Variants in RTP2 observed in about 807,000 individuals in gnomAD.
RTP2 encodes receptor-transporting protein 2.
Under a neutral mutation model 17.9 loss-of-function variants are expected in RTP2, and 12 were observed. The observed-to-expected ratio is 0.67, with a 90% confidence interval of 0.43 to 1.09. RTP2 has a LOEUF of 1.09. Ranked by LOEUF, RTP2 falls within the 50% of genes least tolerant of loss-of-function variation. The pLI, the probability that RTP2 is intolerant of heterozygous loss-of-function variation, is 0.00. For missense variants in RTP2, 327 were observed against 295.7 expected, an observed-to-expected ratio of 1.11 and a Z score of -0.78; for synonymous variants, 126 against 117.7, an observed-to-expected ratio of 1.07 and a Z score of -0.46.
chr3:187,699,802 C>G (rs943739803), intron 1 of RTP2, among the ~76,000 whole-genome samples: 1 of 151,114 alleles, frequency 6.6e-6, no homozygotes, highest in African/African-American at 2.4e-5. Flanking sequence ...CTCTCTCTCT[C>G]TTACATGCAC....
upstream of RTP2, among the ~76,000 whole-genome samples, chr3:187,702,880 A>G (rs183100931): frequency 6.6e-6 from 1 of 152,360 alleles, no homozygotes; most frequent in East Asian, 1.9e-4. Context: ...GTAATTTCAT[A>G]TGCCATGCAA....
upstream of RTP2, among the ~76,000 whole-genome samples, chr3:187,704,802 C>G (rs971265409): frequency 2.0e-5 from 3 of 152,170 alleles, no homozygotes; most frequent in Non-Finnish European, 2.9e-5. Flanking sequence ...TCCAAGCTCC[C>G]ACTCTTTGGG....
chr3:187,713,696 G>C, the RTP2 span, among the ~76,000 whole-genome samples: 2 of 152,096 alleles, frequency 1.3e-5, no homozygotes, highest in African/African-American at 4.8e-5. Flanking sequence ...GTGAAGACTA[G>C]GCCTACAATC....
the RTP2 span, among the ~76,000 whole-genome samples, chr3:187,709,774 A>G: frequency 6.6e-6 from 1 of 152,206 alleles, no homozygotes; most frequent in Non-Finnish European, 1.5e-5. Context: ...AAAAATGTTA[A>G]CATGATGTGA....
upstream of RTP2, among the ~76,000 whole-genome samples, chr3:187,707,340 C>T (rs369508650): frequency 1.6e-4 from 25 of 152,256 alleles, no homozygotes; most frequent in South Asian, 1.0e-3. Flanking sequence ...AGATGCAAGT[C>T]GGGAGATACC....
At chr3:187,703,281 A>G (rs901829701), upstream of RTP2, among the ~76,000 whole-genome samples, 1 of 152,210 alleles carries the variant, frequency 6.6e-6, no homozygotes, top group African/African-American at 2.4e-5. Context: ...CAGAGTTCCA[A>G]CAGTAAAGAG....
exon 1 of RTP2, chr3:187,702,148 G>T: frequency 6.3e-7 from 1 of 1,583,308 alleles, no homozygotes; most frequent in Non-Finnish European, 8.6e-7. Flanking sequence ...GGCAGAGGTG[G>T]CAGTTCGAGC....
intron 1 of RTP2, among the ~76,000 whole-genome samples, chr3:187,700,005 C>G: frequency 6.6e-6 from 1 of 152,212 alleles, no homozygotes. Flanking sequence ...TTCCAGGCCT[C>G]TGTTATAGAG....
the RTP2 span, among the ~76,000 whole-genome samples, chr3:187,707,605 A>G: frequency 6.6e-6 from 1 of 152,188 alleles, no homozygotes; most frequent in African/African-American, 2.4e-5. Flanking sequence ...GAGTGATGGA[A>G]GTTGAGGCCT....
chr3:187,709,116 T>G, the RTP2 span, among the ~76,000 whole-genome samples: 1 of 152,218 alleles, frequency 6.6e-6, no homozygotes, highest in Non-Finnish European at 1.5e-5. Flanking sequence ...TCCCTGCCCT[T>G]CATTTTTTCC....
chr3:187,705,213 G>C (rs1422162350), upstream of RTP2, among the ~76,000 whole-genome samples: 1 of 152,140 alleles, frequency 6.6e-6, no homozygotes, highest in East Asian at 1.9e-4. Context: ...GAAGAATATA[G>C]AGGGTCTGGG....
exon 2 of RTP2, chr3:187,698,484 C>G: frequency 6.3e-7 from 1 of 1,591,156 alleles, no homozygotes; most frequent in Non-Finnish European, 8.6e-7. Context: ...CTCTCCCACC[C>G]TTAACCAGCT....
exon 2 of RTP2, chr3:187,698,429 G>T: frequency 7.3e-7 from 1 of 1,373,954 alleles, no homozygotes; most frequent in Non-Finnish European, 9.9e-7. Context: ...TCTGTAGCAG[G>T]ATCAAGTCCA....
chr3:187,705,067 T>A (rs975359234), upstream of RTP2, among the ~76,000 whole-genome samples: 1 of 152,190 alleles, frequency 6.6e-6, no homozygotes, highest in Non-Finnish European at 1.5e-5. Flanking sequence ...CTTATCCTTT[T>A]TTCCGGGTCT....
chr3:187,703,173 A>C (rs972466006), upstream of RTP2, among the ~76,000 whole-genome samples: 2 of 152,266 alleles, frequency 1.3e-5, no homozygotes, highest in African/African-American at 4.8e-5. Flanking sequence ...GAGCATGGAA[A>C]AGACCAGGCA....
the RTP2 span, among the ~76,000 whole-genome samples, chr3:187,710,021 G>A: frequency 6.6e-6 from 1 of 152,180 alleles, no homozygotes; most frequent in East Asian, 1.9e-4. Context: ...TTTTGGAAGA[G>A]ATCAGCTATT....
intron 1 of RTP2, among the ~76,000 whole-genome samples, chr3:187,701,598 C>A (rs1402362418): frequency 1.3e-5 from 2 of 152,124 alleles, no homozygotes; most frequent in African/African-American, 4.8e-5. Context: ...AGCTGTACCC[C>A]CTGCATTCCC....
chr3:187,702,749 C>T (rs1560137454), upstream of RTP2, among the ~76,000 whole-genome samples: 1 of 152,198 alleles, frequency 6.6e-6, no homozygotes, highest in Non-Finnish European at 1.5e-5. Context: ...AGATCTAGGC[C>T]TTCTGAAACC....
At chr3:187,711,333 A>G in the RTP2 span, among the ~76,000 whole-genome samples, 1 of 152,194 alleles carries the variant, frequency 6.6e-6, no homozygotes, top group Non-Finnish European at 1.5e-5. Flanking sequence ...ATTTGTTTTC[A>G]GCCTTGAAGA....
Sources: allele counts gnomAD v4.1 joint callset (sites outside exome capture counted in the v4.1 genomes callset), GRCh38; gene constraint gnomAD v4.1.1; transcripts MANE v1.5; gene names NCBI Gene and HGNC (gene_info 2026-07-23, HGNC 2026-07-21).